ADCY9: variants seen among roughly 807,000 people sequenced by gnomAD.
ADCY9 encodes the protein adenylate cyclase 9, also known as adenylate cyclase type 9.
In ADCY9, 50 loss-of-function variants were observed where a neutral mutation model predicts 101.5. The ratio of observed to expected loss-of-function variants is 0.49; its 90% CI spans 0.39 to 0.62. The LOEUF (loss-of-function observed/expected upper bound fraction) is 0.62, where lower values mean the gene tolerates loss of function less well. ADCY9 is among the 20% of genes least tolerant of loss of function. The pLI is 0.00. For synonymous variants in ADCY9, 905 were observed against 769.3 expected (o/e 1.18, Z -2.92); for missense variants, 1,662 against 1,800.4 (o/e 0.92, Z 1.39).
chr16:4,024,729 T>G (rs2056502601), intron 2 of ADCY9, among the ~76,000 whole-genome samples: 1 of 152,088 alleles, frequency 6.6e-6, no homozygotes. Context: ...ACCGACAGGA[T>G]GTGAACAAAG....
At position 3,981,759 on chromosome 16, in the gene ADCY9, A is replaced by ATT. The variant is rs55679230; in HGVS notation, c.2519+1471_2519+1472dup. 9.1e-3 allele frequency: 1,330 copies of ATT among 146,028 alleles called. 8 individuals are homozygous for ATT. The highest frequency in any genetic ancestry group is 0.012 in the African/African-American group (467 of 39,730). 9.0% of individuals were successfully genotyped at this position (146,028 alleles called of 1,614,324 possible). On this transcript the variant is annotated intron_variant, in intron 7 of 10. Transcript: ENST00000294016. ...CACGTGCCCACAACCAAGAATGGCT[A>ATT]TTTTTTTTTTTTTGGTATTTTTTAG...
rs570011649 is a variant in ADCY9, at chr16:4,054,652, G to C, written c.1694-47094C>G. On this transcript the variant is annotated intron_variant, in intron 2 of 10. Coordinates refer to ENST00000294016, the MANE Select transcript of ADCY9 (RefSeq NM_001116.4). Reference sequence around the variant, plus strand: ...GTGGCACAATCTCGGCTCACTGCAAGCTACGCCTCCCGGGTTCAAGCAATT... The same window carrying C: ...GTGGCACAATCTCGGCTCACTGCAACCTACGCCTCCCGGGTTCAAGCAATT... Among the ~76,000 whole-genome samples the C allele has an allele frequency of 1.8e-4, 28 of 151,596 alleles. 1 individual carries two copies. The East Asian group carries it at 5.4e-3, about 29-fold the overall frequency.
At chr16:4,097,555 T>TATATA (rs1567147091) in intron 2 of ADCY9, among the ~76,000 whole-genome samples, 2 of 55,068 alleles carry the variant, frequency 3.6e-5, no homozygotes, top group Non-Finnish European at 6.6e-5. Context: ...ATATATATAT[T>TATATA]TTTTTTTTTT....
At chr16:4,052,269 C>T (rs775888100) in intron 2 of ADCY9, among the ~76,000 whole-genome samples, 5 of 152,196 alleles carry the variant, frequency 3.3e-5, no homozygotes, top group Non-Finnish European at 7.3e-5. Flanking sequence ...ACACAGACGG[C>T]GCCTGTGGTC....
chr16:4,111,006 C>T (rs1597234243), intron 2 of ADCY9, among the ~76,000 whole-genome samples: 1 of 152,336 alleles, frequency 6.6e-6, no homozygotes, highest in African/African-American at 2.4e-5. Flanking sequence ...TGCTCCACAT[C>T]CACAGTGCCA....
At position 4,113,967 on chromosome 16, in the gene ADCY9, C is replaced by G. The variant is rs1045134568; in HGVS notation, c.1476G>C (p.Thr492=). Residue 492 remains threonine, a synonymous_variant, in exon 2 of 11, where the codon ACG becomes ACC. Coordinates refer to ENST00000294016, the MANE Select transcript of ADCY9 (RefSeq NM_001116.4). Reference sequence around the variant, plus strand: ...CCAGGATGCCGCAAAGGACGGTGCCCGTGTGCACCCCGACTCTCATGTTCA... The same window carrying G: ...CCAGGATGCCGCAAAGGACGGTGCCGGTGTGCACCCCGACTCTCATGTTCA... ...EMVNMRVGVH[T]GTVLCGILGM... 2.7e-5 allele frequency: 43 copies of G among 1,613,834 alleles called. No individual in the cohort carries two copies. The East Asian group carries it at 9.6e-4, about 36-fold the overall frequency.
At chr16:3,991,022 AC>A (rs1567426998) in intron 5 of ADCY9, among the ~76,000 whole-genome samples, 1 of 151,494 alleles carries the variant, frequency 6.6e-6, no homozygotes, top group African/African-American at 2.4e-5. Flanking sequence ...CTGGTCTTGA[AC>A]CCCTGACTTC....
intron 2 of ADCY9, chr16:4,033,026 G>A (rs757681679): frequency 1.3e-5 from 2 of 152,278 alleles, no homozygotes; most frequent in Non-Finnish European, 2.9e-5. Flanking sequence ...CCGTCCCCCA[G>A]CTGCTAAATG....
intron 2 of ADCY9, among the ~76,000 whole-genome samples, chr16:4,063,940 GC>G (rs1232758818): frequency 1.3e-5 from 2 of 152,130 alleles, no homozygotes; most frequent in Non-Finnish European, 2.9e-5. Context: ...TACTGGAGGT[GC>G]TATCCAGAAC....
intron 2 of ADCY9, among the ~76,000 whole-genome samples, chr16:4,013,670 G>A (rs1438606981): frequency 1.3e-5 from 2 of 152,142 alleles, no homozygotes; most frequent in Non-Finnish European, 2.9e-5. Context: ...CGACTAGGTC[G>A]GAAACGACCA....
intron 2 of ADCY9, among the ~76,000 whole-genome samples, chr16:4,013,963 G>T (rs1477888344): frequency 6.6e-6 from 1 of 152,154 alleles, no homozygotes; most frequent in African/African-American, 2.4e-5. Flanking sequence ...CCCAATATTT[G>T]ATGATAAATC....
chr16:3,954,358 C>T (rs947073455), intron 5 of ADCY9, among the ~76,000 whole-genome samples: 6 of 152,152 alleles, frequency 3.9e-5, no homozygotes, highest in Admixed American at 2.0e-4. Context: ...TTGGGTGGGG[C>T]TCTCTGGGCC....
chr16:4,039,203 C>A (rs1056495724), intron 2 of ADCY9, among the ~76,000 whole-genome samples: 2 of 152,132 alleles, frequency 1.3e-5, no homozygotes, highest in South Asian at 4.1e-4. Context: ...CCTTTCCACC[C>A]CCATCTCCCA....
intron 9 of ADCY9, among the ~76,000 whole-genome samples, chr16:3,977,032 G>C (rs1473794329): frequency 6.6e-6 from 1 of 152,172 alleles, no homozygotes; most frequent in Non-Finnish European, 1.5e-5. Flanking sequence ...CTTCCAGGCT[G>C]TGACCTGTCC....
intron 8 of ADCY9, 48 bp downstream of exon 8, chr16:3,979,068 A>AG: frequency 6.2e-7 from 1 of 1,605,894 alleles, no homozygotes; most frequent in East Asian, 2.2e-5. Flanking sequence ...AAGAGAGATT[A>AG]GGGAGTCCAG....
intron 2 of ADCY9, among the ~76,000 whole-genome samples, chr16:4,036,900 G>A (rs937146512): frequency 6.6e-6 from 1 of 151,800 alleles, no homozygotes; most frequent in African/African-American, 2.4e-5. Context: ...TCTCCTCCCC[G>A]CCACTCACCC....
chr16:4,039,946 G>A (rs2056615644), intron 2 of ADCY9, among the ~76,000 whole-genome samples: 1 of 152,088 alleles, frequency 6.6e-6, no homozygotes, highest in Admixed American at 6.6e-5. Flanking sequence ...GGCTGAAGTG[G>A]GAGGATCACC....
chr16:4,113,702 C>T, intron 2 of ADCY9, 48 bp downstream of exon 2: 2 of 1,544,014 alleles, frequency 1.3e-6, no homozygotes, highest in Admixed American at 2.0e-5. Context: ...TAATTTAATA[C>T]AATCAGGATC....
intron 2 of ADCY9, among the ~76,000 whole-genome samples, chr16:4,107,355 G>A (rs1355479788): frequency 3.3e-5 from 5 of 151,972 alleles, no homozygotes; most frequent in Admixed American, 6.6e-5. Flanking sequence ...GTTCAAGACC[G>A]GCCTGGCCTA....
Sources: allele counts gnomAD v4.1 joint callset (sites outside exome capture counted in the v4.1 genomes callset), GRCh38; gene constraint gnomAD v4.1.1; transcripts MANE v1.5; gene names NCBI Gene and HGNC (gene_info 2026-07-23, HGNC 2026-07-21).